The following INTS1 variants were observed in gnomAD, a reference collection of about 807,000 sequenced individuals.
INTS1 encodes the protein integrator complex subunit 1.
INTS1 carries 137 observed loss-of-function variants against 241.6 expected under a neutral mutation model. The observed-to-expected ratio is 0.57, with a 90% CI of 0.49 to 0.65. The LOEUF is 0.65. Among genes scored for constraint, INTS1 ranks in the 30% least tolerant of loss-of-function variants. INTS1 has a pLI of 0.00. For missense variants in INTS1, 3,073 were observed against 3,032.2 expected (o/e 1.01, Z -0.32); for synonymous variants, 1,692 against 1,337.8 (o/e 1.26, Z -5.78).
Position 1,481,161 on chromosome 7 carries a change from T to C in INTS1, c.3850+181A>G, listed in dbSNP as rs1289608194. On this transcript the variant is annotated intron_variant, in intron 28 of 47. Coordinates refer to ENST00000404767, the MANE Select transcript of INTS1 (RefSeq NM_001080453.3). The surrounding 1 kb of genome is among the most constrained non-coding windows in gnomAD (Gnocchi z 6.8). ...CCCAGGGTTGGGGCAGGCCCAGGCCTCGGCTCCCTCCTGACTGTGCCAGCC... is the reference window on the plus strand; with the variant it reads ...CCCAGGGTTGGGGCAGGCCCAGGCCCCGGCTCCCTCCTGACTGTGCCAGCC... 1.3e-6 allele frequency: 1 copy of C among 797,590 alleles called. No individual in the cohort carries two copies. Among genetic ancestry groups the C allele is most frequent in the Admixed American group, 2.1e-5 (1 of 48,700 alleles). 49.4% of individuals were successfully genotyped at this position (797,590 alleles called of 1,614,324 possible). A position where few individuals can be genotyped will look rare whatever the true frequency, so the allele number is the denominator to read the frequency against.
In INTS1 at chr7:1,489,290, G is replaced by A. The variant is rs191164787; in HGVS notation, c.2318+54C>T. ...GCAGGGAACACAGCCCCAGCGGAAC[G>A]AGACCAGGCCCTGCTCCCCATCCCG... On this transcript the variant is annotated intron_variant, in intron 18 of 47. Coordinates refer to ENST00000404767, the MANE Select transcript of INTS1 (RefSeq NM_001080453.3). 578 of 102,764 alleles carry A rather than the reference G, an allele frequency of 5.6e-3. 9 individuals are homozygous for A. The highest frequency in any genetic ancestry group is 0.043 in the East Asian group (331 of 7,648). 6.4% of individuals were successfully genotyped at this position (102,764 alleles called of 1,614,324 possible).
chr7:1,487,698 C>G, intron 19 of INTS1, 62 bp downstream of exon 19: 1 of 1,579,088 alleles, frequency 6.3e-7, no homozygotes. Context: ...TCTGTCCCAC[C>G]CACACCAACC....
intron 41 of INTS1, 144 bp from the exon 42 acceptor site, chr7:1,473,837 C>G: frequency 9.4e-7 from 1 of 1,061,292 alleles, no homozygotes; most frequent in Admixed American, 2.2e-5. Context: ...CGTCACAGGC[C>G]CAAGGGTGGC....
chr7:1,497,483 C>T lies in INTS1; in HGVS notation c.1426-169G>A, dbSNP rs1157913776. Among the ~76,000 whole-genome samples the T allele has an allele frequency of 2.6e-5, 4 of 152,124 alleles. No homozygotes were observed. The highest frequency in any genetic ancestry group is 1.9e-4 in the East Asian group (1 of 5,150). On this transcript the variant is annotated intron_variant, in intron 10 of 47. Coordinates refer to ENST00000404767, the MANE Select transcript of INTS1 (RefSeq NM_001080453.3). This position sits in a 1 kb window ranked among gnomAD's most constrained non-coding sequence, Gnocchi z 5.3. ...TGCTCTACTGGCTGCCAGCCCTTGG[C>T]GAGCAGGGATCACATCTGATTCCCC...
chr7:1,482,801 G>A (rs776896142), intron 26 of INTS1, 94 bp from the exon 27 acceptor site: 66 of 1,461,484 alleles, frequency 4.5e-5, no homozygotes, highest in South Asian at 2.1e-4. Context: ...CTCCTCTCCC[G>A]AGAAGGAAAC....
At position 1,474,395 on chromosome 7, in the gene INTS1, C is replaced by A. The variant is rs778337184; in HGVS notation, c.5637-35G>T. 1.7e-5 allele frequency: 26 copies of A among 1,546,014 alleles called. No homozygotes were observed. The East Asian group carries it at 4.4e-4, about 26-fold the overall frequency. ...CGGTGAGGGCCCAGTCAGCCCCGGCCGGCGGGCTCACCTGGCGCACGTCCC... is the reference window on the plus strand; with the variant it reads ...CGGTGAGGGCCCAGTCAGCCCCGGCAGGCGGGCTCACCTGGCGCACGTCCC... On this transcript the variant is annotated intron_variant, in intron 40 of 47. Transcript: ENST00000404767.
intron 16 of INTS1, among the ~76,000 whole-genome samples, chr7:1,491,047 G>A (rs1782523263): frequency 6.6e-6 from 1 of 152,322 alleles, no homozygotes; most frequent in Admixed American, 6.5e-5. Context: ...CCAACAGAAT[G>A]AAGTGGGGCC....
intron 40 of INTS1, among the ~76,000 whole-genome samples, 160 bp downstream of exon 40, chr7:1,474,545 G>C (rs532139625): frequency 6.6e-6 from 1 of 152,160 alleles, no homozygotes. Flanking sequence ...TCCCACCTGA[G>C]GCCCAGCTCA....
In INTS1 at chr7:1,500,033, G is replaced by C; in HGVS notation, c.547-12C>G. On this transcript the variant is annotated splice_polypyrimidine_tract_variant and intron_variant, in intron 4 of 47. Transcript: ENST00000404767. ...AGGCTACACAGAGCCTGCCAGGGAGGGCGCATGTCACGTGGGAGCTTCGCT... is the reference window on the plus strand; with the variant it reads ...AGGCTACACAGAGCCTGCCAGGGAGCGCGCATGTCACGTGGGAGCTTCGCT... 1 of 1,612,334 alleles carries C rather than the reference G, an allele frequency of 6.2e-7. No individual in the cohort carries two copies. Among genetic ancestry groups the C allele is most frequent in the Non-Finnish European group, 8.5e-7 (1 of 1,179,352 alleles).
At chr7:1,503,708 G>T (rs905704611) in intron 2 of INTS1, among the ~76,000 whole-genome samples, 195 bp downstream of exon 2, 1 of 152,176 alleles carries the variant, frequency 6.6e-6, no homozygotes, top group Non-Finnish European at 1.5e-5. Context: ...GAAGGAAGTC[G>T]CCACTGTCCC....
At position 1,504,316 on chromosome 7, in the gene INTS1, C is replaced by T. The variant is rs529613649; in HGVS notation, c.-42+7G>A. On this transcript the variant is annotated splice_region_variant and intron_variant, in intron 1 of 47. Transcript: ENST00000404767. The stretch of plus-strand genomic sequence containing the variant: ...ATGAGGAAGCGCCCAGGCCGCGGCT[C>T]ACTTACCTCTGGCCCATCGCGACCG... The T allele has an allele frequency of 3.8e-4, 204 of 535,004 alleles. 1 individual carries two copies. Among genetic ancestry groups the T allele is most frequent in the African/African-American group, 3.5e-3 (174 of 50,238 alleles). The allele number at this position is 535,004 out of a possible 1,614,324, so 33.1% of individuals were successfully genotyped here. A position where few individuals can be genotyped will look rare whatever the true frequency, so the allele number is the denominator to read the frequency against.
At chr7:1,498,082 G>A (rs760821079) in intron 10 of INTS1, among the ~76,000 whole-genome samples, 6 of 152,146 alleles carry the variant, frequency 3.9e-5, no homozygotes, top group African/African-American at 1.4e-4. Flanking sequence ...ACTATCCAAA[G>A]GCAGGAATGA....
At chr7:1,489,505 T>G in intron 17 of INTS1, 86 bp downstream of exon 17, 1 of 1,531,450 alleles carries the variant, frequency 6.5e-7, no homozygotes, top group Non-Finnish European at 8.9e-7. Flanking sequence ...GCTGGGCTCA[T>G]CCCAAGTCCC....
In INTS1 at chr7:1,478,496, C is replaced by G. The variant is rs943446647; in HGVS notation, c.4500G>C (p.Gly1500=). ...CCAGGGCCTCGGCCAGGCGCAGGAG[C>G]CCCCCTCGCACTGTGGGAGGTCTGT... ...AGRRLSDVRG[G]LLRLAEALAF... Residue 1500 remains glycine, a synonymous_variant, in exon 33 of 48, where the codon GGG becomes GGC. Coordinates refer to ENST00000404767, the MANE Select transcript of INTS1 (RefSeq NM_001080453.3). 6.2e-7 allele frequency: 1 copy of G among 1,610,632 alleles called. No homozygotes were observed. The highest frequency in any genetic ancestry group is 8.5e-7 in the Non-Finnish European group (1 of 1,179,444).
At position 1,480,925 on chromosome 7, in the gene INTS1, C is replaced by T; in HGVS notation, c.3859G>A (p.Ala1287Thr). The T allele has an allele frequency of 6.4e-7, 1 of 1,574,080 alleles. No individual in the cohort carries two copies. The highest frequency in any genetic ancestry group is 8.6e-7 in the Non-Finnish European group (1 of 1,160,904). The change falls in exon 29 of 48, where the codon GCC becomes ACC. Residue 1287 changes from alanine (A) to threonine (T), a missense_variant. Ala to Thr is a moderately conservative substitution (Grantham distance 58, BLOSUM62 0). Coordinates refer to ENST00000404767, the MANE Select transcript of INTS1 (RefSeq NM_001080453.3). ...EQNIMDKNYM[A>T]HLVEVQHERG... ...TCATGCTGGACCTCCACCAGGTGGGCCATGTAATCTGCAAACCGTAGCAGG... is the reference window on the plus strand; with the variant it reads ...TCATGCTGGACCTCCACCAGGTGGGTCATGTAATCTGCAAACCGTAGCAGG...
Position 1,472,391 on chromosome 7 carries a change from A to T in INTS1, c.6071-5T>A. 6.5e-7 allele frequency: 1 copy of T among 1,535,298 alleles called. No homozygotes were observed. The highest frequency in any genetic ancestry group is 8.8e-7 in the Non-Finnish European group (1 of 1,135,868). Reference sequence around the variant, plus strand: ...AGGAGCCGGCTGAGCTCTCCTCTGGAAGACAGTGGCAGTGCTGCAGGAGGG... The same window carrying T: ...AGGAGCCGGCTGAGCTCTCCTCTGGTAGACAGTGGCAGTGCTGCAGGAGGG... On this transcript the variant is annotated splice_polypyrimidine_tract_variant and splice_region_variant and intron_variant, in intron 43 of 47. Transcript: ENST00000404767.
At chr7:1,478,003 G>T in intron 33 of INTS1, 67 bp from the exon 34 acceptor site, 1 of 1,342,490 alleles carries the variant, frequency 7.4e-7, no homozygotes, top group Non-Finnish European at 1.1e-6. Flanking sequence ...AGTGGGTGTG[G>T]GCTAGCCAGG....
At position 1,487,050 on chromosome 7, in the gene INTS1, C is replaced by T. The variant is rs566951558; in HGVS notation, c.2698G>A (p.Gly900Ser). Reference protein sequence around the residue: ...WLADLVQSSEGSLDVLPVQCL... With the variant: ...WLADLVQSSESSLDVLPVQCL... ...TGCACGGGCAGCACGTCCAGGGAGC[C>T]CTCGCTGGACTGTACCAGGTCCGCC... The change falls in exon 21 of 48, where the codon GGC (glycine) becomes AGC (serine). Residue 900 changes from glycine (G) to serine (S), a missense_variant. Physicochemically the swap from Gly to Ser is moderately conservative, Grantham distance 56. Coordinates refer to ENST00000404767, the MANE Select transcript of INTS1 (RefSeq NM_001080453.3). 1.3e-6 allele frequency: 2 copies of T among 1,573,124 alleles called. No homozygotes were observed. Among genetic ancestry groups the T allele is most frequent in the South Asian group, 1.2e-5 (1 of 86,758 alleles).
intron 26 of INTS1, 139 bp from the exon 27 acceptor site, chr7:1,482,846 G>A (rs1782061120): frequency 3.1e-6 from 3 of 966,752 alleles, no homozygotes; most frequent in Non-Finnish European, 4.6e-6. Context: ...TCCTGTGCTA[G>A]GTGAGCACTT....
Sources: gnomAD v4.1 joint callset for allele counts (sites outside exome capture counted in the v4.1 genomes callset) on GRCh38, gnomAD v4.1.1 for gene constraint, Gnocchi (gnomAD v3.1) non-coding constraint, MANE v1.5 for transcripts, NCBI Gene and HGNC (gene_info 2026-07-23, HGNC 2026-07-21) for gene names.